Variants in UBXN2A observed in about 807,000 individuals in gnomAD.
The protein encoded by UBXN2A is UBX domain protein 2A.
Under a neutral mutation model 28.4 loss-of-function variants are expected in UBXN2A, and 28 were observed. That is an observed-to-expected ratio of 0.99 (90% CI 0.73 to 1.35). The LOEUF (loss-of-function observed/expected upper bound fraction) is 1.35, where lower values mean the gene tolerates loss of function less well. Among genes scored for constraint, UBXN2A ranks in the 40% most tolerant of loss-of-function variants. The pLI is 0.00. For missense variants in UBXN2A, 253 were observed against 297.9 expected (o/e 0.85, Z 1.11); for synonymous variants, 97 against 103.6 (o/e 0.94, Z 0.39).
intron 1 of UBXN2A, among the ~76,000 whole-genome samples, chr2:23,945,885 C>T (rs553586666): frequency 1.3e-5 from 2 of 148,898 alleles, no homozygotes; most frequent in East Asian, 3.9e-4. Flanking sequence ...AACTGGAGTA[C>T]AGTGGCATGA....
chr2:23,964,922 T>A (rs891488420), intron 2 of UBXN2A, among the ~76,000 whole-genome samples: 6 of 152,166 alleles, frequency 3.9e-5, no homozygotes, highest in African/African-American at 1.4e-4. Flanking sequence ...AGCAGGCACA[T>A]TTCTTGACCC....
At chr2:23,944,933 A>C (rs1440128190) in intron 1 of UBXN2A, among the ~76,000 whole-genome samples, 1 of 152,166 alleles carries the variant, frequency 6.6e-6, no homozygotes, top group Non-Finnish European at 1.5e-5. Flanking sequence ...GAAAATATAT[A>C]GCTTTTGACC....
intron 1 of UBXN2A, among the ~76,000 whole-genome samples, chr2:23,941,753 G>C (rs1029259045): frequency 1.3e-5 from 2 of 152,148 alleles, no homozygotes; most frequent in Non-Finnish European, 2.9e-5. Context: ...AGACTCTACA[G>C]TGTCATTGGG....
intron 1 of UBXN2A, among the ~76,000 whole-genome samples, chr2:23,933,649 G>A (rs562310846): frequency 4.1e-4 from 62 of 152,284 alleles, no homozygotes; most frequent in Middle Eastern, 3.4e-3. Context: ...TTGGGCCCAG[G>A]AGTTTGAGGC....
At chr2:23,944,745 A>G (rs1303771097) in intron 1 of UBXN2A, among the ~76,000 whole-genome samples, 1 of 152,108 alleles carries the variant, frequency 6.6e-6, no homozygotes, top group Non-Finnish European at 1.5e-5. Context: ...GGCTTTGGGC[A>G]CCACTGCCTG....
rs771854738 is a variant in UBXN2A, at chr2:23,961,350, C to T, written c.41+2995C>T. 8.4e-4 allele frequency among the ~76,000 whole-genome samples: 128 copies of T among 151,948 alleles called. 2 individuals carry two copies. Among genetic ancestry groups the T allele is most frequent in the South Asian group, 4.2e-4 (2 of 4,808 alleles). The stretch of plus-strand genomic sequence containing the variant: ...ACCTCAGGTGATCCGCCCACCTCGG[C>T]CTCCCAAAGTGCTAGGATTACAGAC... On this transcript the variant is annotated intron_variant, in intron 2 of 6. Coordinates refer to ENST00000309033, the MANE Select transcript of UBXN2A (RefSeq NM_181713.4).
chr2:23,962,465 T>C lies in UBXN2A; in HGVS notation c.41+4110T>C, dbSNP rs1042307064. Among the ~76,000 whole-genome samples the C allele has an allele frequency of 2.0e-5, 3 of 152,194 alleles. No individual in the cohort carries two copies. The East Asian group carries it at 5.8e-4, about 29-fold the overall frequency. On this transcript the variant is annotated intron_variant, in intron 2 of 6. Transcript: ENST00000309033. ...ATAAGGGATTAGTTACCAAAATATA[T>C]ATCAGATACTCCTACAACTCAGTAG...
intron 1 of UBXN2A, among the ~76,000 whole-genome samples, chr2:23,931,215 G>A (rs1308403134): frequency 2.0e-5 from 3 of 151,852 alleles, no homozygotes; most frequent in Non-Finnish European, 2.9e-5. Context: ...TGGGGGCCAA[G>A]GCAGGCAGAT....
chr2:23,974,016 AT>A (rs71395170), intron 3 of UBXN2A, among the ~76,000 whole-genome samples: 71 of 140,416 alleles, frequency 5.1e-4, no homozygotes, highest in Middle Eastern at 3.7e-3. Flanking sequence ...AAAATGATTA[AT>A]TTTTTTTTTT....
intron 1 of UBXN2A, among the ~76,000 whole-genome samples, chr2:23,952,734 C>T (rs1157967378): frequency 6.6e-6 from 1 of 152,130 alleles, no homozygotes; most frequent in Non-Finnish European, 1.5e-5. Flanking sequence ...TGAGCTACCA[C>T]ACACAGCCAA....
intron 6 of UBXN2A, among the ~76,000 whole-genome samples, chr2:23,991,110 T>G (rs182889170): frequency 6.6e-6 from 1 of 152,304 alleles, no homozygotes; most frequent in East Asian, 1.9e-4. Context: ...ATTAAAAAAT[T>G]GTGTTTTTCT....
intron 1 of UBXN2A, among the ~76,000 whole-genome samples, chr2:23,945,310 T>C (rs2150805131): frequency 6.6e-6 from 1 of 152,346 alleles, no homozygotes; most frequent in Middle Eastern, 3.4e-3. Context: ...TAAAAATTTC[T>C]AGGAAAGGAC....
intron 6 of UBXN2A, among the ~76,000 whole-genome samples, chr2:23,996,065 ATTT>A (rs1019784685): frequency 4.4e-5 from 5 of 114,200 alleles, no homozygotes; most frequent in Admixed American, 9.1e-5. Flanking sequence ...CGCCTGGCTA[ATTT>A]TTTTTTTTTT....
intron 1 of UBXN2A, among the ~76,000 whole-genome samples, chr2:23,952,766 A>G (rs1706436387): frequency 6.6e-6 from 1 of 152,002 alleles, no homozygotes; most frequent in Admixed American, 6.6e-5. Flanking sequence ...TTTTGTAGAG[A>G]TGGGGTCTGG....
chr2:23,966,095 T>G (rs1347278766), intron 2 of UBXN2A, among the ~76,000 whole-genome samples: 5 of 152,120 alleles, frequency 3.3e-5, no homozygotes, highest in Admixed American at 3.3e-4. Flanking sequence ...GGAGCCAGAG[T>G]GCCCCAGTTT....
At position 24,003,246 on chromosome 2, in the gene UBXN2A, A is replaced by G. The variant is rs1208032849; in HGVS notation, c.*3379A>G. ...AAAATAAAACCTGCATGCTTTCACC[A>G]TGGACGGTGGGAGACTCCACTGAAA... On this transcript the variant is annotated 3_prime_UTR_variant, in exon 7 of 7. Coordinates refer to ENST00000309033, the MANE Select transcript of UBXN2A (RefSeq NM_181713.4). The G allele has an allele frequency of 2.0e-5, 3 of 152,220 alleles. No individual in the cohort carries two copies. Among genetic ancestry groups the G allele is most frequent in the East Asian group, 1.9e-4 (1 of 5,198 alleles). 9.4% of individuals were successfully genotyped at this position (152,220 alleles called of 1,614,324 possible). A position where few individuals can be genotyped will look rare whatever the true frequency, so the allele number is the denominator to read the frequency against.
chr2:23,935,981 G>C (rs1374139545), upstream of UBXN2A, among the ~76,000 whole-genome samples: 1 of 152,162 alleles, frequency 6.6e-6, no homozygotes, highest in African/African-American at 2.4e-5. Context: ...GAACCTGGGA[G>C]GGGGAGGTTG....
chr2:23,978,272 A>C (rs919640138), intron 4 of UBXN2A, among the ~76,000 whole-genome samples: 1 of 152,164 alleles, frequency 6.6e-6, no homozygotes, highest in Non-Finnish European at 1.5e-5. Flanking sequence ...ATATCTTTAA[A>C]GTCTTTAAAA....
intron 2 of UBXN2A, among the ~76,000 whole-genome samples, chr2:23,966,702 T>C (rs1326066657): frequency 2.9e-4 from 44 of 150,794 alleles, no homozygotes; most frequent in Middle Eastern, 6.8e-3. Flanking sequence ...CCGCCCACCT[T>C]GGCCTCCCAA....
Sources: allele counts gnomAD v4.1 joint callset (sites outside exome capture counted in the v4.1 genomes callset), GRCh38; gene constraint gnomAD v4.1.1; transcripts MANE v1.5; gene names NCBI Gene and HGNC (gene_info 2026-07-23, HGNC 2026-07-21).